MAPKAP1: variants seen among roughly 807,000 people sequenced by gnomAD.
MAPKAP1 encodes MAPK associated protein 1.
A neutral mutation model predicts 65.7 loss-of-function variants in MAPKAP1; 20 were observed. The observed-to-expected ratio is 0.30, with a 90% CI of 0.21 to 0.44. The LOEUF is 0.44. Among genes scored for constraint, MAPKAP1 ranks in the 20% least tolerant of loss-of-function variants. The pLI, the probability that MAPKAP1 is intolerant of heterozygous loss-of-function variation, is 1.00. For synonymous variants in MAPKAP1, 222 were observed against 244.3 expected (o/e 0.91, Z 0.85); for missense variants, 423 against 648.0 (o/e 0.65, Z 3.77).
At chr9:125,556,607 A>G (rs1334447913) in intron 6 of MAPKAP1, among the ~76,000 whole-genome samples, 1 of 152,176 alleles carries the variant, frequency 6.6e-6, no homozygotes, top group Non-Finnish European at 1.5e-5. Context: ...TTTCTGTTTC[A>G]GCTTAGTGTC....
intron 1 of MAPKAP1, among the ~76,000 whole-genome samples, chr9:125,693,814 C>CACAT (rs1202075191): frequency 1.4e-5 from 2 of 140,446 alleles, no homozygotes; most frequent in African/African-American, 2.7e-5. Flanking sequence ...TATACACACA[C>CACAT]ATATACACAC....
intron 1 of MAPKAP1, among the ~76,000 whole-genome samples, chr9:125,704,954 G>C (rs761039251): frequency 6.6e-6 from 1 of 152,092 alleles, no homozygotes; most frequent in South Asian, 2.1e-4. Flanking sequence ...GTTATGTGTC[G>C]AAGGTCACAT....
intron 8 of MAPKAP1, among the ~76,000 whole-genome samples, chr9:125,493,326 T>C (rs373305635): frequency 4.6e-5 from 7 of 152,366 alleles, no homozygotes; most frequent in East Asian, 1.9e-4. Context: ...AAAATTTATA[T>C]GCTTCAAGGT....
Position 125,456,925 on chromosome 9 carries a change from T to C in MAPKAP1, c.1345+11047A>G, listed in dbSNP as rs1853184712. ...CTATGTTTTGGGGCAATTTGTTTTG[T>C]GGCAATAGATAAGTAATGCACTGAT... On this transcript the variant is annotated intron_variant, in intron 10 of 11. Transcript: ENST00000265960. Among the ~76,000 whole-genome samples, 4 of 152,254 alleles carry C rather than the reference T, an allele frequency of 2.6e-5. No homozygotes were observed. The South Asian group carries it at 8.3e-4, about 32-fold the overall frequency.
At chr9:125,491,536 G>A (rs758886361) in intron 8 of MAPKAP1, among the ~76,000 whole-genome samples, 7 of 152,060 alleles carry the variant, frequency 4.6e-5, no homozygotes, top group Admixed American at 1.3e-4. Context: ...CGGCACTTCT[G>A]GAGGCCAAGG....
At chr9:125,542,807 C>T (rs1275112843) in intron 7 of MAPKAP1, 1 of 586,826 alleles carries the variant, frequency 1.7e-6, no homozygotes, top group Non-Finnish European at 3.2e-6. Context: ...TCTGAGTCTA[C>T]CACAAATTAT....
intron 7 of MAPKAP1, among the ~76,000 whole-genome samples, chr9:125,524,436 C>T (rs1005813020): frequency 7.9e-5 from 12 of 152,200 alleles, no homozygotes; most frequent in African/African-American, 2.4e-4. Flanking sequence ...TACATTAATA[C>T]AATTTTGCAC....
intron 7 of MAPKAP1, among the ~76,000 whole-genome samples, chr9:125,534,549 C>T (rs1204702183): frequency 1.3e-5 from 2 of 152,194 alleles, no homozygotes; most frequent in African/African-American, 4.8e-5. Context: ...ATTCAGGGCT[C>T]CACTATCTGT....
intron 10 of MAPKAP1, among the ~76,000 whole-genome samples, chr9:125,458,095 C>A (rs978297425): frequency 6.6e-6 from 1 of 152,198 alleles, no homozygotes; most frequent in Non-Finnish European, 1.5e-5. Context: ...GATCACAGTC[C>A]TGAACTGCAT....
At chr9:125,703,438 C>T (rs1369841429) in intron 1 of MAPKAP1, among the ~76,000 whole-genome samples, 1 of 152,100 alleles carries the variant, frequency 6.6e-6, no homozygotes, top group South Asian at 2.1e-4. Context: ...ACAAAAACTT[C>T]GAACTCACAG....
At chr9:125,558,669 T>C (rs1393857966) in intron 6 of MAPKAP1, among the ~76,000 whole-genome samples, 1 of 152,094 alleles carries the variant, frequency 6.6e-6, no homozygotes, top group Non-Finnish European at 1.5e-5. Context: ...GAGACAGCCA[T>C]GAGAAGGACT....
intron 6 of MAPKAP1, among the ~76,000 whole-genome samples, chr9:125,554,653 G>A (rs886293831): frequency 3.3e-5 from 5 of 151,948 alleles, no homozygotes; most frequent in African/African-American, 1.2e-4. Flanking sequence ...AGAGTTAGTT[G>A]GGCATGGTGA....
At chr9:125,464,750 C>A (rs1230547850) in intron 10 of MAPKAP1, among the ~76,000 whole-genome samples, 1 of 152,152 alleles carries the variant, frequency 6.6e-6, no homozygotes, top group Non-Finnish European at 1.5e-5. Flanking sequence ...TCCGGTCCCG[C>A]AGTATGTGTA....
At chr9:125,592,728 C>A (rs1387623216) in intron 4 of MAPKAP1, among the ~76,000 whole-genome samples, 1 of 148,830 alleles carries the variant, frequency 6.7e-6, no homozygotes, top group Non-Finnish European at 1.5e-5. Flanking sequence ...CACGGTGAAA[C>A]CCCGTCCTAC....
intron 10 of MAPKAP1, among the ~76,000 whole-genome samples, chr9:125,446,568 T>C (rs902371856): frequency 2.0e-5 from 3 of 152,112 alleles, no homozygotes; most frequent in Non-Finnish European, 4.4e-5. Context: ...GCACCTTTGT[T>C]GGCCATGCTG....
At chr9:125,462,833 A>G (rs1853547969) in intron 10 of MAPKAP1, among the ~76,000 whole-genome samples, 1 of 152,210 alleles carries the variant, frequency 6.6e-6, no homozygotes, top group South Asian at 2.1e-4. Context: ...TTCAGCCATC[A>G]ATTTGGCTAT....
At chr9:125,529,534 G>A (rs545956592) in intron 7 of MAPKAP1, among the ~76,000 whole-genome samples, 2 of 151,806 alleles carry the variant, frequency 1.3e-5, no homozygotes, top group South Asian at 2.1e-4. Flanking sequence ...AAAAAAAGGC[G>A]AAAAAAGAAA....
chr9:125,606,566 C>G (rs1445219252), intron 4 of MAPKAP1, among the ~76,000 whole-genome samples: 1 of 152,156 alleles, frequency 6.6e-6, no homozygotes, highest in Non-Finnish European at 1.5e-5. Context: ...CTCGCACATT[C>G]CCTGAATAGA....
rs1491037928 is a variant in MAPKAP1 at position 125,703,785 on chromosome 9, AAC to A, written c.-70+3184_-70+3185del. On this transcript the variant is annotated intron_variant, in intron 1 of 11. Coordinates refer to ENST00000265960, the MANE Select transcript of MAPKAP1 (RefSeq NM_001006617.3). ...AGACTGTCTCAAAAAAAAAAAAAAA[AAC>A]AAGTAACGTGACAGAAGTCCTTGTC... Among the ~76,000 whole-genome samples, 394 of 148,382 alleles carry A rather than the reference AAC, an allele frequency of 2.7e-3. 11 individuals are homozygous for A. The highest frequency in any genetic ancestry group is 7.0e-3 in the African/African-American group (288 of 40,930).
Sources: gnomAD v4.1 joint callset for allele counts (sites outside exome capture counted in the v4.1 genomes callset) on GRCh38, gnomAD v4.1.1 for gene constraint, MANE v1.5 for transcripts, NCBI Gene and HGNC (gene_info 2026-07-23, HGNC 2026-07-21) for gene names.